QKI: variants seen among roughly 807,000 people sequenced by gnomAD.
The protein encoded by QKI is QKI, KH domain containing RNA binding, also known as KH domain-containing RNA-binding protein QKI.
QKI carries 10 observed loss-of-function variants against 39.0 expected under a neutral mutation model. That is an observed-to-expected ratio of 0.26 (90% CI 0.16 to 0.43). QKI has a LOEUF of 0.43. Ranked by LOEUF, QKI falls within the 20% of genes least tolerant of loss-of-function variation. QKI has a pLI of 1.00. For synonymous variants in QKI, 204 were observed against 155.4 expected (o/e 1.31, Z -2.33); for missense variants, 218 against 428.0 (o/e 0.51, Z 4.33).
chr6:163,498,214 G>A (rs987182282), intron 3 of QKI, among the ~76,000 whole-genome samples: 6 of 130,356 alleles, frequency 4.6e-5, no homozygotes, highest in Non-Finnish European at 8.2e-5. Context: ...AAATGTATAT[G>A]TGGAAGGTAT....
intron 2 of QKI, 94 bp from the exon 3 acceptor site, chr6:163,478,686 C>G: frequency 1.3e-6 from 1 of 793,148 alleles, no homozygotes; most frequent in South Asian, 2.0e-5. Flanking sequence ...AGACATTTAA[C>G]TTCAGTAAGT....
At chr6:163,438,461 T>G (rs1240168393) in intron 1 of QKI, among the ~76,000 whole-genome samples, 2 of 152,182 alleles carry the variant, frequency 1.3e-5, no homozygotes, top group Non-Finnish European at 2.9e-5. Flanking sequence ...CATCATAGGG[T>G]GTACTTGCAT....
chr6:163,558,149 A>G (rs1053819481), intron 4 of QKI, among the ~76,000 whole-genome samples: 1 of 152,196 alleles, frequency 6.6e-6, no homozygotes, highest in Admixed American at 6.5e-5. Context: ...ATTTTTGAGA[A>G]AAAAAGAGGT....
chr6:163,446,968 T>C (rs1374075988), intron 1 of QKI, among the ~76,000 whole-genome samples: 1 of 152,190 alleles, frequency 6.6e-6, no homozygotes, highest in African/African-American at 2.4e-5. Context: ...AAAAAGACTT[T>C]CTTTCACACG....
At chr6:163,503,135 GTATTT>G (rs752058438) in intron 3 of QKI, among the ~76,000 whole-genome samples, 4 of 92,238 alleles carry the variant, frequency 4.3e-5, no homozygotes, top group Admixed American at 3.5e-4. Flanking sequence ...TTGGCCCCTT[GTATTT>G]TTTTTTTTTT....
At chr6:163,563,903 T>G (rs945675539) in intron 6 of QKI, 184 bp downstream of exon 6, 13 of 1,415,490 alleles carry the variant, frequency 9.2e-6, no homozygotes, top group Admixed American at 3.1e-5. Flanking sequence ...AATTGCACCT[T>G]AAATTTATTC....
chr6:163,511,087 G>A (rs1583132402), intron 3 of QKI, among the ~76,000 whole-genome samples: 1 of 152,068 alleles, frequency 6.6e-6, no homozygotes, highest in Non-Finnish European at 1.5e-5. Flanking sequence ...AATTTTGACC[G>A]CAGTGGAATT....
At chr6:163,465,693 G>A (rs1791689508) in intron 2 of QKI, among the ~76,000 whole-genome samples, 1 of 150,866 alleles carries the variant, frequency 6.6e-6, no homozygotes, top group Non-Finnish European at 1.5e-5. Flanking sequence ...ATCTTTATTT[G>A]CAGTGGCATA....
At chr6:163,523,306 CAT>C (rs1410535456) in intron 3 of QKI, among the ~76,000 whole-genome samples, 3 of 152,172 alleles carry the variant, frequency 2.0e-5, no homozygotes, top group South Asian at 2.1e-4. Context: ...GAAAAATACA[CAT>C]GTGGAATGCA....
At chr6:163,465,112 G>A (rs1397028939) in intron 2 of QKI, among the ~76,000 whole-genome samples, 2 of 152,060 alleles carry the variant, frequency 1.3e-5, no homozygotes, top group East Asian at 3.9e-4. Flanking sequence ...ATGCAAAAAA[G>A]GCATTTGACA....
intron 6 of QKI, chr6:163,566,117 GTTA>G (rs1236977915): frequency 6.9e-7 from 1 of 1,444,590 alleles, no homozygotes; most frequent in East Asian, 2.5e-5. Flanking sequence ...GTAAAATTAT[GTTA>G]TTAATTTGGT....
intron 1 of QKI, among the ~76,000 whole-genome samples, chr6:163,449,750 T>C (rs12200846): frequency 6.6e-5 from 10 of 152,302 alleles, no homozygotes; most frequent in South Asian, 2.1e-4. Flanking sequence ...GAAAGTAATA[T>C]AGAGCTGTAT....
chr6:163,572,148 C>T lies in QKI; in HGVS notation c.*1438C>T, dbSNP rs1016410109. ...AATAGTTTAATACTTTTGGTTATTC[C>T]AATCTTCAATGTTAACCCAAAGGAT... On this transcript the variant is annotated 3_prime_UTR_variant, in exon 8 of 8. Transcript: ENST00000361752. The T allele has an allele frequency of 2.0e-5, 3 of 152,112 alleles. No individual in the cohort carries two copies. Among genetic ancestry groups the T allele is most frequent in the Admixed American group, 6.5e-5 (1 of 15,272 alleles). 9.4% of individuals were successfully genotyped at this position (152,112 alleles called of 1,614,324 possible). A position where few individuals can be genotyped will look rare whatever the true frequency, so the allele number is the denominator to read the frequency against.
intron 4 of QKI, 131 bp downstream of exon 4, chr6:163,535,256 C>A: frequency 1.1e-6 from 1 of 900,940 alleles, no homozygotes; most frequent in Non-Finnish European, 1.6e-6. Flanking sequence ...AAATTAAAAA[C>A]ACCTGACTGA....
At chr6:163,477,069 G>A (rs1333943834) in intron 2 of QKI, among the ~76,000 whole-genome samples, 1 of 145,834 alleles carries the variant, frequency 6.9e-6, no homozygotes, top group Non-Finnish European at 1.5e-5. Flanking sequence ...AGGCTGTAGT[G>A]CAGAGGCATG....
At chr6:163,427,617 C>T (rs1223833138) in intron 1 of QKI, among the ~76,000 whole-genome samples, 1 of 151,960 alleles carries the variant, frequency 6.6e-6, no homozygotes, top group Non-Finnish European at 1.5e-5. Flanking sequence ...ACCTTATGCT[C>T]AGCAGACATG....
At chr6:163,514,345 C>T (rs1325965765) in intron 3 of QKI, among the ~76,000 whole-genome samples, 1 of 152,008 alleles carries the variant, frequency 6.6e-6, no homozygotes, top group East Asian at 1.9e-4. Context: ...AGCTTTAGAG[C>T]TATACATTTG....
chr6:163,514,815 T>C (rs368073665), intron 3 of QKI, among the ~76,000 whole-genome samples: 17 of 152,166 alleles, frequency 1.1e-4, no homozygotes, highest in African/African-American at 4.1e-4. Flanking sequence ...GAAGAAAACA[T>C]AGGAGATACA....
chr6:163,558,015 A>G (rs557244812), intron 4 of QKI, among the ~76,000 whole-genome samples: 39 of 152,300 alleles, frequency 2.6e-4, no homozygotes, highest in African/African-American at 9.4e-4. Context: ...CATTTTACAA[A>G]TGTAAAAGTT....
Sources: allele counts gnomAD v4.1 joint callset (sites outside exome capture counted in the v4.1 genomes callset), GRCh38; gene constraint gnomAD v4.1.1; transcripts MANE v1.5; gene names NCBI Gene and HGNC (gene_info 2026-07-23, HGNC 2026-07-21).